The following ROBO3 variants were observed in gnomAD, a reference collection of about 807,000 sequenced individuals.
ROBO3 encodes the protein roundabout homolog 3.
In ROBO3, 97 loss-of-function variants were observed where a neutral mutation model predicts 160.5. The observed-to-expected ratio is 0.60, with a 90% confidence interval of 0.51 to 0.72. ROBO3 has a LOEUF of 0.72. Among genes scored for constraint, ROBO3 ranks in the 30% least tolerant of loss-of-function variants. The probability of loss-of-function intolerance (pLI) is 0.00; values close to 1 mark genes in which losing one functional copy is unlikely to be tolerated. For synonymous variants in ROBO3, 780 were observed against 746.2 expected, an observed-to-expected ratio of 1.05 and a Z score of -0.74; for missense variants, 1,858 against 1,846.5, an observed-to-expected ratio of 1.01 and a Z score of -0.11.
rs1327873369 is a variant in ROBO3, at chr11:124,877,266, G to A, written c.2804-1G>A. On this transcript the variant is annotated splice_acceptor_variant, in intron 18 of 27. Transcript: ENST00000397801. LOFTEE classifies it high-confidence loss of function. ...CTCATTCGCCCCCTCATTTTCCCCAGTGTCCTTCCCGCACTCAGAGGGCCT... is the reference window on the plus strand; with the variant it reads ...CTCATTCGCCCCCTCATTTTCCCCAATGTCCTTCCCGCACTCAGAGGGCCT... The A allele has an allele frequency of 6.2e-7, 1 of 1,613,878 alleles. No homozygotes were observed. Among genetic ancestry groups the A allele is most frequent in the Admixed American group, 1.7e-5 (1 of 60,014 alleles).
chr11:124,867,803 A>C (rs1406335694), intron 1 of ROBO3, among the ~76,000 whole-genome samples: 1 of 134,644 alleles, frequency 7.4e-6, no homozygotes, highest in African/African-American at 2.8e-5. Context: ...GGGAGGGGGC[A>C]GGGGGCAGAA....
Position 124,865,630 on chromosome 11 carries a change from C to G in ROBO3, c.53C>G (p.Ser18Cys). The G allele has an allele frequency of 6.2e-7, 1 of 1,613,040 alleles. No homozygotes were observed. Among genetic ancestry groups the G allele is most frequent in the African/African-American group, 1.3e-5 (1 of 75,038 alleles). Residue 18 changes from serine to cysteine, a missense_variant, in exon 1 of 28, where the codon TCT becomes TGT. Ser to Cys is a moderately radical substitution (Grantham distance 112). Transcript: ENST00000397801. This position sits in a 1 kb window ranked among gnomAD's most constrained non-coding sequence, Gnocchi z 5.5. ...CTGCAGATGAACTTGTTCGCGGACTCTCTGGCCGGGGACATCTCCAACTCC... is the reference window on the plus strand; with the variant it reads ...CTGCAGATGAACTTGTTCGCGGACTGTCTGGCCGGGGACATCTCCAACTCC... ...TLLQMNLFADSLAGDISNSSE... is the reference protein window; with the variant it reads ...TLLQMNLFADCLAGDISNSSE...
Position 124,872,827 on chromosome 11 carries a change from G to T in ROBO3, c.1331-57G>T, listed in dbSNP as rs1386211667. On this transcript the variant is annotated intron_variant, in intron 8 of 27. Coordinates refer to ENST00000397801, the MANE Select transcript of ROBO3 (RefSeq NM_022370.4). This position sits in a 1 kb window ranked among gnomAD's most constrained non-coding sequence, Gnocchi z 4.3. ...AAGGAGCAGAGAATGAGGACAAGGG[G>T]CTGCCCGCGGGGCCCTAAGCTCCTC... The T allele has an allele frequency of 1.4e-6, 2 of 1,404,208 alleles. No homozygotes were observed. Among genetic ancestry groups the T allele is most frequent in the Non-Finnish European group, 1.9e-6 (2 of 1,045,726 alleles). The allele number at this position is 1,404,208 out of a possible 1,614,324, so 87.0% of individuals were successfully genotyped here. A position where few individuals can be genotyped will look rare whatever the true frequency, so the allele number is the denominator to read the frequency against.
rs201431008 is a variant in ROBO3, at chr11:124,880,384, C to T, written c.3959-34C>T. The T allele has an allele frequency of 1.6e-4, 250 of 1,610,438 alleles. 4 individuals carry two copies. The East Asian group carries it at 5.5e-3, about 36-fold the overall frequency. On this transcript the variant is annotated intron_variant, in intron 26 of 27. Transcript: ENST00000397801. ...GTGACAGGGAAGTTCTGCTTCCTGC[C>T]TGCACCTGGCTACCCTTCCCTCTTG... is the stretch of plus-strand genomic sequence containing the variant.
Position 124,869,699 on chromosome 11 carries a change from C to A in ROBO3, c.645+92C>A. On this transcript the variant is annotated intron_variant, in intron 3 of 27. Transcript: ENST00000397801. This position sits in a 1 kb window ranked among gnomAD's most constrained non-coding sequence, Gnocchi z 4.2. Reference sequence around the variant, plus strand: ...CTGGAGATTGAGATCAGGGCATTAGCTAACCAGAGACTAAGAGTCAGCTAT... The same window carrying A: ...CTGGAGATTGAGATCAGGGCATTAGATAACCAGAGACTAAGAGTCAGCTAT... The A allele has an allele frequency of 7.2e-7, 1 of 1,391,464 alleles. No individual in the cohort carries two copies. The highest frequency in any genetic ancestry group is 9.7e-7 in the Non-Finnish European group (1 of 1,031,846). The allele number at this position is 1,391,464 out of a possible 1,614,324, so 86.2% of individuals were successfully genotyped here. A position where few individuals can be genotyped will look rare whatever the true frequency, so the allele number is the denominator to read the frequency against.
chr11:124,869,965 G>A lies in ROBO3; in HGVS notation c.663G>A (p.Leu221=), dbSNP rs1946257698. 1 of 1,610,494 alleles carries A rather than the reference G, an allele frequency of 6.2e-7. No individual in the cohort carries two copies. Among genetic ancestry groups the A allele is most frequent in the Non-Finnish European group, 8.5e-7 (1 of 1,178,336 alleles). ...EGRITIRGGK[L]MMSHTLKSDA... ...CTCTGCAGATCCGTGGAGGGAAGCTGATGATGTCACATACACTCAAGAGCG... is the reference window on the plus strand; with the variant it reads ...CTCTGCAGATCCGTGGAGGGAAGCTAATGATGTCACATACACTCAAGAGCG... Residue 221 remains leucine, a synonymous_variant, in exon 4 of 28, where the codon CTG becomes CTA. Coordinates refer to ENST00000397801, the MANE Select transcript of ROBO3 (RefSeq NM_022370.4). The surrounding 1 kb of genome is among the most constrained non-coding windows in gnomAD (Gnocchi z 4.2).
chr11:124,874,639 G>A (rs919233976), intron 12 of ROBO3, 149 bp from the exon 13 acceptor site: 1 of 879,122 alleles, frequency 1.1e-6, no homozygotes, highest in Non-Finnish European at 1.7e-6. Flanking sequence ...CCCATGTCTG[G>A]AAGCTATTTT....
Position 124,881,318 on chromosome 11 carries a change from C to CT in ROBO3, c.*68_*69insT, listed in dbSNP as rs1946578692. On this transcript the variant is annotated 3_prime_UTR_variant, in exon 28 of 28. Transcript: ENST00000397801. ...GGGGAGTAGGGATGTCTTTTCCCCCCCAGCAGTGATGAGTGGGGCTAGCTG... is the reference window on the plus strand; with the variant it reads ...GGGGAGTAGGGATGTCTTTTCCCCCCTCAGCAGTGATGAGTGGGGCTAGCTG... 3.6e-5 allele frequency: 53 copies of CT among 1,488,372 alleles called. No homozygotes were observed. In the South Asian group the frequency reaches 5.8e-4, roughly 16 times the overall value. The allele number at this position is 1,488,372 out of a possible 1,614,324, so 92.2% of individuals were successfully genotyped here. A position where few individuals can be genotyped will look rare whatever the true frequency, so the allele number is the denominator to read the frequency against.
At position 124,869,429 on chromosome 11, in the gene ROBO3, G is replaced by GGGGGGCCCCC; in HGVS notation, c.488-21_488-20insGGGGGCCCCC. ...TGTCACTCTACACCCTGCTTATTTC[G>GGGGGGCCCCC]CCCCCCACCGCCCCGCCCAGTCCTC... is the stretch of plus-strand genomic sequence containing the variant. On this transcript the variant is annotated intron_variant, in intron 2 of 27. Coordinates refer to ENST00000397801, the MANE Select transcript of ROBO3 (RefSeq NM_022370.4). This position sits in a 1 kb window ranked among gnomAD's most constrained non-coding sequence, Gnocchi z 4.2. 1 of 1,295,764 alleles carries GGGGGGCCCCC rather than the reference G, an allele frequency of 7.7e-7. No homozygotes were observed. The highest frequency in any genetic ancestry group is 1.8e-5 in the African/African-American group (1 of 56,334). The allele number at this position is 1,295,764 out of a possible 1,614,324, so 80.3% of individuals were successfully genotyped here.
At chr11:124,874,461 G>A (rs1012201480) in intron 12 of ROBO3, among the ~76,000 whole-genome samples, 2 of 152,150 alleles carry the variant, frequency 1.3e-5, no homozygotes, top group African/African-American at 4.8e-5. Flanking sequence ...AAGGGAGAGA[G>A]GTAGTCATTC....
chr11:124,870,045 C>A lies in ROBO3; in HGVS notation c.743C>A (p.Ala248Glu). The part of the protein sequence containing the change: ...ASNMAGERES[A>E]AAEVMVLERP... The stretch of plus-strand genomic sequence containing the variant: ...AACATGGCGGGAGAACGGGAGAGTG[C>A]GGCAGCTGAAGTCATGGTACTGGGT... Residue 248 changes from alanine (A) to glutamate (E), a missense_variant, in exon 4 of 28, where the codon GCG (alanine) becomes GAG (glutamate). Physicochemically the swap from Ala to Glu is moderately radical, Grantham distance 107. Coordinates refer to ENST00000397801, the MANE Select transcript of ROBO3 (RefSeq NM_022370.4). The A allele has an allele frequency of 6.2e-7, 1 of 1,613,962 alleles. No homozygotes were observed. The highest frequency in any genetic ancestry group is 1.1e-5 in the South Asian group (1 of 91,084).
chr11:124,874,323 T>C, intron 12 of ROBO3, 87 bp downstream of exon 12: 2 of 1,247,974 alleles, frequency 1.6e-6, no homozygotes, highest in Non-Finnish European at 2.2e-6. Flanking sequence ...CCACGGCAGT[T>C]CATACAGTTC....
In ROBO3 at chr11:124,879,909, G is replaced by T. The variant is rs751310561; in HGVS notation, c.3919G>T (p.Ala1307Ser). The change falls in exon 26 of 28, where the codon GCC becomes TCC. Residue 1307 changes from alanine (A) to serine (S), a missense_variant. Coordinates refer to ENST00000397801, the MANE Select transcript of ROBO3 (RefSeq NM_022370.4). The stretch of plus-strand genomic sequence containing the variant: ...CAGTGGGGAGAGGAAAGCGGTCCAG[G>T]CCGTGCCCCTGGCAGCCCAGCGGGT... ...ERSGERKAVQ[A>S]VPLAAQRVLH... 2 of 1,605,914 alleles carry T rather than the reference G, an allele frequency of 1.2e-6. No homozygotes were observed. Among genetic ancestry groups the T allele is most frequent in the South Asian group, 2.2e-5 (2 of 89,522 alleles).
chr11:124,869,223 TTCAGCCCAC>T lies in ROBO3; in HGVS notation c.487+101_487+109del. 1 of 1,327,938 alleles carries T rather than the reference TTCAGCCCAC, an allele frequency of 7.5e-7. No homozygotes were observed. Among genetic ancestry groups the T allele is most frequent in the Non-Finnish European group, 1.0e-6 (1 of 961,720 alleles). The allele number at this position is 1,327,938 out of a possible 1,614,324, so 82.3% of individuals were successfully genotyped here. On this transcript the variant is annotated intron_variant, in intron 2 of 27. Coordinates refer to ENST00000397801, the MANE Select transcript of ROBO3 (RefSeq NM_022370.4). The surrounding 1 kb of genome is among the most constrained non-coding windows in gnomAD (Gnocchi z 4.2). Reference sequence around the variant, plus strand: ...AGACCCAGAACCAGCCCCAAAGGACTTCAGCCCACTCAGCATCCTTCTTTGGGACCGCGA... The same window carrying T: ...AGACCCAGAACCAGCCCCAAAGGACTTCAGCATCCTTCTTTGGGACCGCGA...
Position 124,869,745 on chromosome 11 carries a change from C to T in ROBO3, c.645+138C>T, listed in dbSNP as rs184772555. 45 of 1,264,980 alleles carry T rather than the reference C, an allele frequency of 3.6e-5. No homozygotes were observed. Among genetic ancestry groups the T allele is most frequent in the Non-Finnish European group, 3.4e-5 (31 of 922,608 alleles). The allele number at this position is 1,264,980 out of a possible 1,614,324, so 78.4% of individuals were successfully genotyped here. On this transcript the variant is annotated intron_variant, in intron 3 of 27. Coordinates refer to ENST00000397801, the MANE Select transcript of ROBO3 (RefSeq NM_022370.4). This position sits in a 1 kb window ranked among gnomAD's most constrained non-coding sequence, Gnocchi z 4.2. Reference sequence around the variant, plus strand: ...GCTATACAGTGAGGGATAAGGAAGACGGAATTGGTATAAAAAAGGGGCGGG... The same window carrying T: ...GCTATACAGTGAGGGATAAGGAAGATGGAATTGGTATAAAAAAGGGGCGGG...
At position 124,869,857 on chromosome 11, in the gene ROBO3, C is replaced by A. The variant is rs1946255921; in HGVS notation, c.646-91C>A. ...CAGCTTGCTGTGAGGATCAAATAAA[C>A]TTTATACATATGTATATACACATAT... is the stretch of plus-strand genomic sequence containing the variant. On this transcript the variant is annotated intron_variant, in intron 3 of 27. Coordinates refer to ENST00000397801, the MANE Select transcript of ROBO3 (RefSeq NM_022370.4). The surrounding 1 kb of genome is among the most constrained non-coding windows in gnomAD (Gnocchi z 4.2). 1.3e-6 allele frequency: 2 copies of A among 1,486,914 alleles called. No individual in the cohort carries two copies. Among genetic ancestry groups the A allele is most frequent in the South Asian group, 2.4e-5 (2 of 82,064 alleles). 92.1% of individuals were successfully genotyped at this position (1,486,914 alleles called of 1,614,324 possible). A position where few individuals can be genotyped will look rare whatever the true frequency, so the allele number is the denominator to read the frequency against.
chr11:124,865,570 G>A lies in ROBO3; in HGVS notation c.-8G>A, dbSNP rs575576794. On this transcript the variant is annotated 5_prime_UTR_variant, in exon 1 of 28. Transcript: ENST00000397801. This position sits in a 1 kb window ranked among gnomAD's most constrained non-coding sequence, Gnocchi z 5.5. Reference sequence around the variant, plus strand: ...AGCCCCCAGTCCCGATCCCAGCTGGGTCGAGCCATGCTGCGCTACCTGCTG... The same window carrying A: ...AGCCCCCAGTCCCGATCCCAGCTGGATCGAGCCATGCTGCGCTACCTGCTG... The A allele has an allele frequency of 9.3e-6, 15 of 1,610,248 alleles. No individual in the cohort carries two copies. The highest frequency in any genetic ancestry group is 2.2e-5 in the South Asian group (2 of 90,594).
In ROBO3 at chr11:124,872,942, G is replaced by A. The variant is rs2135329559; in HGVS notation, c.1389G>A (p.Val463=). Residue 463 remains valine, a synonymous_variant, in exon 9 of 28, where the codon GTG becomes GTA. Transcript: ENST00000397801. The surrounding 1 kb of genome is among the most constrained non-coding windows in gnomAD (Gnocchi z 4.3). ...ILQGPANQTL[V]LGSSVWLPCR... ...AGGGACCAGCCAATCAGACGCTGGT[G>A]CTTGGCTCCTCCGTGTGGCTGCCCT... 6.2e-7 allele frequency: 1 copy of A among 1,612,892 alleles called. No individual in the cohort carries two copies. Among genetic ancestry groups the A allele is most frequent in the Non-Finnish European group, 8.5e-7 (1 of 1,179,774 alleles).
In ROBO3 at chr11:124,872,606, CTAAAGTGATGTGTTT is replaced by C; in HGVS notation, c.1330+55_1330+69del. On this transcript the variant is annotated intron_variant, in intron 8 of 27. Transcript: ENST00000397801. This position sits in a 1 kb window ranked among gnomAD's most constrained non-coding sequence, Gnocchi z 4.3. ...CCATGGCTTGGGAGGAAATAATGGCCTAAAGTGATGTGTTTCTCTTGGAGTCTATATACTATGTCT... is the reference window on the plus strand; with the variant it reads ...CCATGGCTTGGGAGGAAATAATGGCCCTCTTGGAGTCTATATACTATGTCT... The C allele has an allele frequency of 6.5e-7, 1 of 1,530,394 alleles. No homozygotes were observed. The highest frequency in any genetic ancestry group is 9.0e-7 in the Non-Finnish European group (1 of 1,116,468). 94.8% of individuals were successfully genotyped at this position (1,530,394 alleles called of 1,614,324 possible).
Sources: allele counts gnomAD v4.1 joint callset (sites outside exome capture counted in the v4.1 genomes callset), GRCh38; gene constraint gnomAD v4.1.1; non-coding constraint Gnocchi (gnomAD v3.1); transcripts MANE v1.5; gene names NCBI Gene and HGNC (gene_info 2026-07-23, HGNC 2026-07-21).